SLC12A5: variants seen among roughly 807,000 people sequenced by gnomAD.
SLC12A5 encodes the protein K-Cl cotransporter 2.
Under a neutral mutation model 124.0 loss-of-function variants are expected in SLC12A5, and 18 were observed. The observed-to-expected ratio is 0.15, with a 90% CI of 0.10 to 0.22. The LOEUF is 0.22. SLC12A5 is among the 10% of genes least tolerant of loss of function. SLC12A5 has a pLI of 1.00. For synonymous variants in SLC12A5, 589 were observed against 568.0 expected, an observed-to-expected ratio of 1.04 and a Z score of -0.53; for missense variants, 867 against 1,478.7, an observed-to-expected ratio of 0.59 and a Z score of 6.78.
chr20:46,024,062 G>A (rs2084377128), downstream of SLC12A5, among the ~76,000 whole-genome samples: 2 of 152,110 alleles, frequency 1.3e-5, no homozygotes, highest in Admixed American at 1.3e-4. Flanking sequence ...ACTTCGCTGG[G>A]GTCGAAGTGA....
At chr20:46,031,826 C>G (rs1394452466) in intron 1 of SLC12A5, among the ~76,000 whole-genome samples, 1 of 152,222 alleles carries the variant, frequency 6.6e-6, no homozygotes. Flanking sequence ...GGCCCTGCCT[C>G]TCGCGCGCGC....
At chr20:46,034,802 C>T in intron 1 of SLC12A5, 146 bp from the exon 2 acceptor site, 1 of 718,448 alleles carries the variant, frequency 1.4e-6, no homozygotes. Flanking sequence ...CTGTCAACTG[C>T]AACCCTGCAA....
intron 16 of SLC12A5, among the ~76,000 whole-genome samples, chr20:46,049,064 CTTGGCTGAG>C: frequency 6.6e-6 from 1 of 152,248 alleles, no homozygotes; most frequent in East Asian, 1.9e-4. Flanking sequence ...GTTGACTTGT[CTTGGCTGAG>C]CCCAGTTGAC....
rs2145507733 is a variant in SLC12A5 at position 46,056,288 on chromosome 20, G to T, written c.2910+16G>T. 2 of 1,614,008 alleles carry T rather than the reference G, an allele frequency of 1.2e-6. No individual in the cohort carries two copies. Among genetic ancestry groups the T allele is most frequent in the Non-Finnish European group, 1.7e-6 (2 of 1,179,914 alleles). ...AGAGGAGGAGGTGTGCAGCTTGGGT[G>T]GTTTGGCCCCAACCAGTGGGAGCAG... On this transcript the variant is annotated intron_variant, in intron 22 of 25. Transcript: ENST00000243964. The surrounding 1 kb of genome is among the most constrained non-coding windows in gnomAD (Gnocchi z 4.3).
chr20:46,041,295 G>T (rs530848177), intron 7 of SLC12A5, 34 bp from the exon 8 acceptor site: 1 of 1,601,272 alleles, frequency 6.2e-7, no homozygotes, highest in East Asian at 2.2e-5. Flanking sequence ...AGGTTATGTG[G>T]CTCCCCACCT....
In SLC12A5 at chr20:46,045,822, G is replaced by A; in HGVS notation, c.1570-56G>A. ...ACTCCACTGGTTCCCGAGGCTAGGG[G>A]AGAGGGCTGAGAAATCCTTGAGGTC... On this transcript the variant is annotated intron_variant, in intron 12 of 25. Coordinates refer to ENST00000243964, the MANE Select transcript of SLC12A5 (RefSeq NM_020708.5). The surrounding 1 kb of genome is among the most constrained non-coding windows in gnomAD (Gnocchi z 4.9). 6.9e-7 allele frequency: 1 copy of A among 1,447,780 alleles called. No individual in the cohort carries two copies. The highest frequency in any genetic ancestry group is 9.7e-7 in the Non-Finnish European group (1 of 1,033,158). The allele number at this position is 1,447,780 out of a possible 1,614,324, so 89.7% of individuals were successfully genotyped here.
chr20:46,043,033 C>A, intron 8 of SLC12A5, 120 bp from the exon 9 acceptor site: 1 of 960,258 alleles, frequency 1.0e-6, no homozygotes, highest in Non-Finnish European at 1.6e-6. Context: ...AGAGATAAGG[C>A]CGGGGAGAGT....
rs918419689 is a variant in SLC12A5, at chr20:46,042,633, G to A, written c.1067-520G>A. On this transcript the variant is annotated intron_variant, in intron 8 of 25. Coordinates refer to ENST00000243964, the MANE Select transcript of SLC12A5 (RefSeq NM_020708.5). ...CTCCACAGCAAAGAATTATCTGGCCGGGAGTGTCACTAGTGCCACAGTGGA... is the reference window on the plus strand; with the variant it reads ...CTCCACAGCAAAGAATTATCTGGCCAGGAGTGTCACTAGTGCCACAGTGGA... 1.8e-4 allele frequency among the ~76,000 whole-genome samples: 28 copies of A among 152,218 alleles called. 1 individual carries two copies. The highest frequency in any genetic ancestry group is 1.3e-3 in the Admixed American group (20 of 15,286).
chr20:46,041,330 A>G lies in SLC12A5; in HGVS notation c.856A>G (p.Ile286Val). 6.2e-7 allele frequency: 1 copy of G among 1,613,972 alleles called. No homozygotes were observed. Among genetic ancestry groups the G allele is most frequent in the Non-Finnish European group, 8.5e-7 (1 of 1,179,960 alleles). ...KSAFDPPNFP[I>V]CLLGNRTLSR... ...TTCCTCCCTTGTTTCTCTCCCTAGG[A>G]TCTGCCTCCTGGGTAACCGCACGCT... Residue 286 changes from isoleucine to valine, a missense_variant and splice_region_variant, in exon 8 of 26, where the codon ATC becomes GTC. Physicochemically the swap from Ile to Val is conservative, Grantham distance 29. Around this residue, in one of 9 missense-constraint regions of SLC12A5, gnomAD observed 127 missense variants for 164.1 expected, o/e 0.77. Coordinates refer to ENST00000243964, the MANE Select transcript of SLC12A5 (RefSeq NM_020708.5).
At chr20:46,051,316 G>C (rs1434863657) in intron 17 of SLC12A5, among the ~76,000 whole-genome samples, 1 of 152,140 alleles carries the variant, frequency 6.6e-6, no homozygotes, top group Non-Finnish European at 1.5e-5. Flanking sequence ...GGTGGGGGTG[G>C]TATCTGAAGA....
At chr20:46,024,125 T>G (rs566581190), downstream of SLC12A5, among the ~76,000 whole-genome samples, 2 of 149,802 alleles carry the variant, frequency 1.3e-5, no homozygotes, top group Admixed American at 1.4e-4. Context: ...TGGAATGCTG[T>G]GTGCTGTGGC....
chr20:46,039,449 C>G (rs1394223854), intron 6 of SLC12A5, among the ~76,000 whole-genome samples: 1 of 152,060 alleles, frequency 6.6e-6, no homozygotes, highest in Non-Finnish European at 1.5e-5. Context: ...CCTAATGTAC[C>G]ATGGATAGCT....
chr20:46,034,847 G>A (rs779775222), intron 1 of SLC12A5, 101 bp from the exon 2 acceptor site: 16 of 1,066,958 alleles, frequency 1.5e-5, no homozygotes, highest in African/African-American at 1.1e-4. Context: ...CCCAATGCGC[G>A]AACTGAGATT....
Position 46,047,523 on chromosome 20 carries a change from G to T in SLC12A5, c.1857G>T (p.Leu619=). ...LMFICSWYYA[L]VAMLIAGLIY... ...TCATCTGCTCCTGGTATTATGCACT[G>T]GTAGCCATGCTCATTGCTGGACTCA... Residue 619 remains leucine (L), a synonymous_variant, in exon 15 of 26, where the codon CTG becomes CTT. Coordinates refer to ENST00000243964, the MANE Select transcript of SLC12A5 (RefSeq NM_020708.5). The T allele has an allele frequency of 6.2e-7, 1 of 1,614,074 alleles. No individual in the cohort carries two copies. The highest frequency in any genetic ancestry group is 8.5e-7 in the Non-Finnish European group (1 of 1,179,974).
intron 1 of SLC12A5, among the ~76,000 whole-genome samples, chr20:46,030,561 G>T (rs1459445788): frequency 6.7e-6 from 1 of 148,846 alleles, no homozygotes; most frequent in Non-Finnish European, 1.5e-5. Flanking sequence ...CTGCGCACTA[G>T]CGCGCCTCCC....
At position 46,056,413 on chromosome 20, in the gene SLC12A5, C is replaced by T. The variant is rs2084694369; in HGVS notation, c.2959C>T (p.Pro987Ser). The T allele has an allele frequency of 6.2e-7, 1 of 1,613,616 alleles. No homozygotes were observed. Among genetic ancestry groups the T allele is most frequent in the Non-Finnish European group, 8.5e-7 (1 of 1,179,706 alleles). Residue 987 changes from proline to serine, a missense_variant, in exon 23 of 26, where the codon CCG becomes TCG. Transcript: ENST00000243964. The surrounding 1 kb of genome is among the most constrained non-coding windows in gnomAD (Gnocchi z 4.3). ...TGCTCCCAGCTGCCCCAGCAGCTCCCCGTCCCCAGGGGAGGAGCCTGAGGG... is the reference window on the plus strand; with the variant it reads ...TGCTCCCAGCTGCCCCAGCAGCTCCTCGTCCCCAGGGGAGGAGCCTGAGGG... Reference protein sequence around the residue: ...QSAPSCPSSSPSPGEEPEGEG... With the variant: ...QSAPSCPSSSSSPGEEPEGEG...
At chr20:46,035,584 GTGGGGGAGGA>G in intron 3 of SLC12A5, 49 bp downstream of exon 3, 6 of 1,557,436 alleles carry the variant, frequency 3.9e-6, no homozygotes, top group Non-Finnish European at 5.2e-6. Flanking sequence ...CGGATGGGGG[GTGGGGGAGGA>G]TGGGGGAGGA....
In SLC12A5 at chr20:46,022,943, GGGA is replaced by G. The variant is rs34923327; in HGVS notation, c.93_95del (p.Gly32del). On this transcript the variant is annotated inframe_deletion, in exon 2 of 3. Transcript: ENST00000413737. ...ATCGGCTTGTAGTGGCCCCAGCGAG[GGGA>G]GGAGGAGGAGGAGGAGGAGGAGGAG... The G allele has an allele frequency of 0.043, 15,214 of 357,740 alleles. 493 individuals are homozygous for G. Among genetic ancestry groups the G allele is most frequent in the East Asian group, 0.17 (4,628 of 26,546 alleles). The allele number at this position is 357,740 out of a possible 1,614,324, so 22.2% of individuals were successfully genotyped here. A position where few individuals can be genotyped will look rare whatever the true frequency, so the allele number is the denominator to read the frequency against.
chr20:46,028,138 T>G (rs115349022), upstream of SLC12A5, among the ~76,000 whole-genome samples: 1,255 of 152,276 alleles, frequency 8.2e-3, 14 homozygotes, highest in Middle Eastern at 0.027. Context: ...TCTGGGGGAT[T>G]GGCCTAAGGG....
Sources: allele counts gnomAD v4.1 joint callset (sites outside exome capture counted in the v4.1 genomes callset), GRCh38; gene constraint gnomAD v4.1.1; regional missense constraint gnomAD v4.1.1; non-coding constraint Gnocchi (gnomAD v3.1); transcripts MANE v1.5; gene names NCBI Gene and HGNC (gene_info 2026-07-23, HGNC 2026-07-21).